The following ARSH variants were observed in gnomAD, a reference collection of about 807,000 sequenced individuals.
ARSH encodes the protein arylsulfatase family member H.
A neutral mutation model predicts 28.7 loss-of-function variants in ARSH; 32 were observed. The ratio of observed to expected loss-of-function variants is 1.11; its 90% CI spans 0.84 to 1.50. ARSH has a LOEUF of 1.50. Ranked by LOEUF, ARSH falls within the 40% of genes most tolerant of loss-of-function variation. The pLI is 0.00. For missense variants in ARSH, 440 were observed against 452.4 expected (o/e 0.97, Z 0.25); for synonymous variants, 176 against 177.3 (o/e 0.99, Z 0.06).
intron 2 of ARSH, among the ~76,000 whole-genome samples, chrX:3,011,248 C>CT (rs1317108320): frequency 3.9e-5 from 2 of 51,577 alleles, no homozygotes; most frequent in East Asian, 2.8e-3. Context: ...TTTTTTCTTT[C>CT]TTTCTTTTTT....
intron 2 of ARSH, among the ~76,000 whole-genome samples, chrX:3,012,540 C>CAAAAAAAAA (rs1183271572): frequency 3.4e-4 from 2 of 5,908 alleles, no homozygotes; most frequent in Non-Finnish European, 5.5e-4. Context: ...AACTCCATCT[C>CAAAAAAAAA]AAAAAAAAAA....
In ARSH at chrX:3,027,300, T is replaced by C; in HGVS notation, c.1037-13T>C. On this transcript the variant is annotated splice_polypyrimidine_tract_variant and intron_variant, in intron 6 of 8. Coordinates refer to ENST00000381130, the MANE Select transcript of ARSH (RefSeq NM_001011719.2). ...TAACTCATCTTTGGTTGTGTCGTAA[T>C]CTTTGGTTTTAGGTGGCAAAGGAAT... The C allele has an allele frequency of 8.3e-7, 1 of 1,209,595 alleles. No individual in the cohort carries two copies. Among genetic ancestry groups the C allele is most frequent in the Non-Finnish European group, 1.1e-6 (1 of 894,736 alleles).
At chrX:3,006,871 C>T (rs1178193889) in intron 1 of ARSH, among the ~76,000 whole-genome samples, 167 bp downstream of exon 1, 1 of 111,183 alleles carries the variant, frequency 9.0e-6, no homozygotes, top group African/African-American at 3.3e-5. Context: ...CAGGAGACCA[C>T]TTAACCTCCC....
chrX:3,019,126 A>G (rs1053617944), intron 5 of ARSH, among the ~76,000 whole-genome samples: 5 of 109,817 alleles, frequency 4.6e-5, no homozygotes, highest in Non-Finnish European at 9.5e-5. Flanking sequence ...TTAGCCAGGC[A>G]TGGTTATGCG....
intron 1 of ARSH, among the ~76,000 whole-genome samples, chrX:3,009,240 G>T (rs934163914): frequency 1.0e-4 from 11 of 110,425 alleles, no homozygotes; most frequent in Non-Finnish European, 1.1e-4. Flanking sequence ...AGTTTGGGAG[G>T]CTGGGGAAAG....
chrX:3,017,168 T>A (rs2089868498), intron 4 of ARSH, among the ~76,000 whole-genome samples: 1 of 111,557 alleles, frequency 9.0e-6, no homozygotes, highest in East Asian at 2.8e-4. Context: ...TTGGGCTATC[T>A]TTTTGGGAAT....
intron 1 of ARSH, among the ~76,000 whole-genome samples, chrX:3,007,087 TAA>T (rs371172636): frequency 9.8e-6 from 1 of 102,277 alleles, no homozygotes; most frequent in African/African-American, 3.5e-5. Flanking sequence ...ACAAAAATAA[TAA>T]AAAAAAAAAT....
intron 5 of ARSH, among the ~76,000 whole-genome samples, chrX:3,022,270 T>C (rs1404685377): frequency 8.9e-6 from 1 of 112,114 alleles, no homozygotes; most frequent in Non-Finnish European, 1.9e-5. Context: ...TTTTTTATAC[T>C]ATAGCCAGAT....
Position 3,012,598 on chromosome X carries a change from TA to T in ARSH, c.215-447del, listed in dbSNP as rs58618452. Among the ~76,000 whole-genome samples, 102 of 19,441 alleles carry T rather than the reference TA, an allele frequency of 5.2e-3. 1 individual carries two copies. Among genetic ancestry groups the T allele is most frequent in the African/African-American group, 0.022 (99 of 4,569 alleles). 16.9% of individuals were successfully genotyped at this position (19,441 alleles called of 115,157 possible). Reference sequence around the variant, plus strand: ...ATATATATATATATATATATATATATAATATATATATGTATGTGTATATACA... The same window carrying T: ...ATATATATATATATATATATATATATATATATATATGTATGTGTATATACA... On this transcript the variant is annotated intron_variant, in intron 2 of 8. Coordinates refer to ENST00000381130, the MANE Select transcript of ARSH (RefSeq NM_001011719.2).
intron 5 of ARSH, 36 bp downstream of exon 5, chrX:3,018,706 G>A: frequency 1.7e-6 from 2 of 1,197,525 alleles, no homozygotes; most frequent in South Asian, 1.8e-5. Flanking sequence ...AATATCTGAA[G>A]TACGGGCTAC....
In ARSH at chrX:3,012,587, AT is replaced by A. The variant is rs1183309901; in HGVS notation, c.215-459del. Among the ~76,000 whole-genome samples the A allele has an allele frequency of 3.7e-3, 92 of 25,132 alleles. 1 individual carries two copies. Among genetic ancestry groups the A allele is most frequent in the African/African-American group, 0.013 (75 of 5,833 alleles). 21.8% of individuals were successfully genotyped at this position (25,132 alleles called of 115,157 possible). A position where few individuals can be genotyped will look rare whatever the true frequency, so the allele number is the denominator to read the frequency against. On this transcript the variant is annotated intron_variant, in intron 2 of 8. Coordinates refer to ENST00000381130, the MANE Select transcript of ARSH (RefSeq NM_001011719.2). ...AAAAAAAATATATATATATATATAT[AT>A]ATATATATATAATATATATATGTAT...
At chrX:3,029,077 CAAAAAA>C (rs377018684) in intron 7 of ARSH, among the ~76,000 whole-genome samples, 164 bp from the exon 8 acceptor site, 1 of 81,027 alleles carries the variant, frequency 1.2e-5, no homozygotes, top group Non-Finnish European at 2.5e-5. Context: ...GACTCCATTT[CAAAAAA>C]AAAAAAAAAG....
chrX:3,019,889 T>C (rs1310866044), intron 5 of ARSH, among the ~76,000 whole-genome samples: 1 of 111,046 alleles, frequency 9.0e-6, no homozygotes, highest in Non-Finnish European at 1.9e-5. Context: ...AATCTTGTCA[T>C]GGGATAAATT....
intron 7 of ARSH, among the ~76,000 whole-genome samples, chrX:3,028,817 C>T (rs1442633740): frequency 3.6e-5 from 4 of 110,798 alleles, no homozygotes; most frequent in African/African-American, 9.8e-5. Context: ...CCGTGGCTCA[C>T]GCCTGTAATC....
At position 3,027,213 on chromosome X, in the gene ARSH, GC is replaced by G. The variant is rs1428125832; in HGVS notation, c.1037-94del. On this transcript the variant is annotated intron_variant, in intron 6 of 8. Transcript: ENST00000381130. Reference sequence around the variant, plus strand: ...GACCTCAAGTGATCCGCCCACCTCGGCCCCCCAAAGTGCTGGGATTACAGGC... The same window carrying G: ...GACCTCAAGTGATCCGCCCACCTCGGCCCCCAAAGTGCTGGGATTACAGGC... The G allele has an allele frequency of 1.5e-5, 14 of 925,850 alleles. No homozygotes were observed. In the Admixed American group the frequency reaches 1.7e-4, roughly 11 times the overall value. The allele number at this position is 925,850 out of a possible 1,213,427, so 76.3% of individuals were successfully genotyped here.
intron 8 of ARSH, among the ~76,000 whole-genome samples, chrX:3,031,198 G>A (rs1428348435): frequency 9.0e-6 from 1 of 111,144 alleles, no homozygotes; most frequent in East Asian, 2.8e-4. Context: ...TAATGTGTGT[G>A]TGTAAGTATG....
At chrX:3,029,447 C>T in intron 8 of ARSH, 79 bp downstream of exon 8, 2 of 1,125,546 alleles carry the variant, frequency 1.8e-6, no homozygotes, top group Non-Finnish European at 1.2e-6. Flanking sequence ...GCGGAAGCTG[C>T]ACCATGTGCA....
Position 3,010,062 on chromosome X carries a change from G to A in ARSH, c.125G>A (p.Gly42Glu). The change falls in exon 2 of 9, where the codon GGA becomes GAA. Residue 42 changes from glycine to glutamate, a missense_variant. Coordinates refer to ENST00000381130, the MANE Select transcript of ARSH (RefSeq NM_001011719.2). ...TPNIDRLASE[G>E]VRLTQHLAAA... ...AATATTGACCGCCTGGCAAGTGAAG[G>A]AGTGAGGCTTACCCAGCATCTCGCA... The A allele has an allele frequency of 8.3e-7, 1 of 1,211,401 alleles. No homozygotes were observed. The highest frequency in any genetic ancestry group is 1.1e-6 in the Non-Finnish European group (1 of 895,296).
At chrX:3,016,680 T>C (rs1221374190) in intron 4 of ARSH, among the ~76,000 whole-genome samples, 1 of 111,400 alleles carries the variant, frequency 9.0e-6, no homozygotes, top group African/African-American at 3.3e-5. Flanking sequence ...TGGGCACCAG[T>C]GATCCTCTCA....
Sources: allele counts gnomAD v4.1 joint callset (sites outside exome capture counted in the v4.1 genomes callset), GRCh38; gene constraint gnomAD v4.1.1; transcripts MANE v1.5; gene names NCBI Gene and HGNC (gene_info 2026-07-23, HGNC 2026-07-21).